The following CDH12 variants were observed in gnomAD, a reference collection of about 807,000 sequenced individuals.
The protein encoded by CDH12 is cadherin-12.
Under a neutral mutation model 74.1 loss-of-function variants are expected in CDH12, and 41 were observed. The ratio of observed to expected loss-of-function variants is 0.55; its 90% CI spans 0.43 to 0.72. The LOEUF (loss-of-function observed/expected upper bound fraction) is 0.72. CDH12 is among the 30% of genes least tolerant of loss of function. The pLI is 0.00. For missense variants in CDH12, 945 were observed against 977.2 expected (o/e 0.97, Z 0.44); for synonymous variants, 399 against 355.0 (o/e 1.12, Z -1.39).
chr5:22,759,904 T>C (rs1746119096), intron 1 of CDH12, among the ~76,000 whole-genome samples: 1 of 152,228 alleles, frequency 6.6e-6, no homozygotes, highest in Non-Finnish European at 1.5e-5. Flanking sequence ...GGCTGTCTAC[T>C]GGTAGAATTC....
chr5:21,875,352 A>G (rs993459614), intron 6 of CDH12, among the ~76,000 whole-genome samples: 1 of 152,204 alleles, frequency 6.6e-6, no homozygotes, highest in East Asian at 1.9e-4. Flanking sequence ...AATTCATGTG[A>G]AAATGCATAT....
At chr5:21,900,927 A>G (rs1376525801) in intron 6 of CDH12, among the ~76,000 whole-genome samples, 1 of 152,226 alleles carries the variant, frequency 6.6e-6, no homozygotes. Flanking sequence ...AGCACATGCC[A>G]CACTGCAAAC....
chr5:22,211,548 A>G (rs562811947), intron 4 of CDH12, among the ~76,000 whole-genome samples: 7 of 152,120 alleles, frequency 4.6e-5, no homozygotes, highest in Non-Finnish European at 1.0e-4. Flanking sequence ...TGCGCTTAGT[A>G]AGGTAGAAAA....
chr5:22,521,109 T>C (rs1737036674), intron 1 of CDH12, among the ~76,000 whole-genome samples: 1 of 152,022 alleles, frequency 6.6e-6, no homozygotes, highest in African/African-American at 2.4e-5. Context: ...TCTGGTAATA[T>C]AGAGATCATT....
chr5:21,751,743 G>A lies in CDH12; in HGVS notation c.2379C>T (p.Val793=). Residue 793 remains valine, a synonymous_variant, in exon 15 of 15, where the codon GTC becomes GTT. Transcript: ENST00000382254. ...GEEESYNPDK[V]T is the part of the protein sequence containing the mutation. ...TTTAGCCTCCACGACTCCCTTAAGT[G>A]ACTTTATCAGGGTTATAACTCTCTT... is the stretch of plus-strand genomic sequence containing the variant. 2 of 1,609,870 alleles carry A rather than the reference G, an allele frequency of 1.2e-6. No homozygotes were observed. Among genetic ancestry groups the A allele is most frequent in the Non-Finnish European group, 1.7e-6 (2 of 1,178,146 alleles).
chr5:22,754,673 G>A (rs79838323), intron 1 of CDH12, among the ~76,000 whole-genome samples: 389 of 152,140 alleles, frequency 2.6e-3, no homozygotes, highest in Non-Finnish European at 4.2e-3. Flanking sequence ...AAAACGAGAT[G>A]GGAAAGTGAC....
Position 22,175,833 on chromosome 5 carries a change from TAGCGCAATAAATA to T in CDH12, c.-187+36652_-187+36664del, listed in dbSNP as rs1237433920. On this transcript the variant is annotated intron_variant, in intron 4 of 14. Coordinates refer to ENST00000382254, the MANE Select transcript of CDH12 (RefSeq NM_004061.5). ...AGAAACTGGATCAGCTCACCTGAAC[TAGCGCAATAAATA>T]GGACCAGAGGCTGAGCTCAGGAGCT... 3.9e-5 allele frequency among the ~76,000 whole-genome samples: 6 copies of T among 152,094 alleles called. No individual in the cohort carries two copies. The South Asian group carries it at 1.0e-3, about 26-fold the overall frequency.
At chr5:22,740,941 CA>C (rs1346601910) in intron 1 of CDH12, among the ~76,000 whole-genome samples, 1 of 151,962 alleles carries the variant, frequency 6.6e-6, no homozygotes, top group Non-Finnish European at 1.5e-5. Flanking sequence ...TTAACAAAAC[CA>C]AAATATAAGA....
intron 8 of CDH12, among the ~76,000 whole-genome samples, chr5:21,834,000 A>C (rs1415786031): frequency 6.6e-6 from 1 of 151,956 alleles, no homozygotes; most frequent in African/African-American, 2.4e-5. Flanking sequence ...TCTACTTAGA[A>C]AAAAGCTGGT....
chr5:22,269,328 G>A (rs947516406), intron 3 of CDH12, among the ~76,000 whole-genome samples: 1 of 152,026 alleles, frequency 6.6e-6, no homozygotes, highest in Non-Finnish European at 1.5e-5. Context: ...ATTGTTATCA[G>A]TAGCTATATC....
chr5:22,191,133 C>A (rs1018076755), intron 4 of CDH12, among the ~76,000 whole-genome samples: 14 of 152,082 alleles, frequency 9.2e-5, no homozygotes, highest in Admixed American at 2.6e-4. Context: ...AAACCAACAT[C>A]CCAAGTGTTA....
intron 3 of CDH12, among the ~76,000 whole-genome samples, chr5:22,403,114 C>T (rs938459294): frequency 6.6e-6 from 1 of 152,144 alleles, no homozygotes; most frequent in Non-Finnish European, 1.5e-5. Flanking sequence ...AGGAGAGAGG[C>T]ATGGACTGCA....
chr5:22,428,206 TAC>T (rs60523110), intron 2 of CDH12, among the ~76,000 whole-genome samples: 25,151 of 150,136 alleles, frequency 0.17, 2,353 homozygotes, highest in African/African-American at 0.27. Flanking sequence ...TATATATATA[TAC>T]ACACACACAC....
At chr5:22,343,283 TACACAC>T (rs70959717) in intron 3 of CDH12, among the ~76,000 whole-genome samples, 5 of 92,658 alleles carry the variant, frequency 5.4e-5, no homozygotes, top group African/African-American at 2.0e-4. Context: ...ACATAAACCC[TACACAC>T]ACACACACAC....
At chr5:22,715,870 G>A (rs1561598267) in intron 1 of CDH12, among the ~76,000 whole-genome samples, 1 of 151,572 alleles carries the variant, frequency 6.6e-6, no homozygotes, top group Non-Finnish European at 1.5e-5. Context: ...AGCACGTTGG[G>A]TTACGCCTGT....
rs10038429 is a variant in CDH12 at position 21,752,600 on chromosome 5, C to T, written c.1886-364G>A. Among the ~76,000 whole-genome samples, 740 of 152,256 alleles carry T rather than the reference C, an allele frequency of 4.9e-3. 6 individuals are homozygous for T. Among genetic ancestry groups the T allele is most frequent in the African/African-American group, 0.017 (707 of 41,550 alleles). ...TGAATATTATCATCCATAAATAAGA[C>T]TACCATTCATTGCTAACTTCCCAAT... On this transcript the variant is annotated intron_variant, in intron 14 of 14. Transcript: ENST00000382254.
chr5:22,460,296 C>A lies in CDH12; in HGVS notation c.-428+44974G>T, dbSNP rs551807649. Reference sequence around the variant, plus strand: ...TGTACATTACAGTCCCAGACTTATTCATCTTACAAATGCCTGTTTATACCC... The same window carrying A: ...TGTACATTACAGTCCCAGACTTATTAATCTTACAAATGCCTGTTTATACCC... On this transcript the variant is annotated intron_variant, in intron 2 of 14. Coordinates refer to ENST00000382254, the MANE Select transcript of CDH12 (RefSeq NM_004061.5). 5.3e-5 allele frequency among the ~76,000 whole-genome samples: 8 copies of A among 152,172 alleles called. No individual in the cohort carries two copies. The South Asian group carries it at 1.7e-3, about 32-fold the overall frequency.
At chr5:21,901,970 C>T (rs990707554) in intron 6 of CDH12, among the ~76,000 whole-genome samples, 11 of 152,170 alleles carry the variant, frequency 7.2e-5, no homozygotes, top group South Asian at 4.1e-4. Context: ...AGCCACTGTA[C>T]GTGCAGAGAT....
chr5:22,277,844 C>T (rs889821603), intron 3 of CDH12, among the ~76,000 whole-genome samples: 1 of 152,026 alleles, frequency 6.6e-6, no homozygotes, highest in African/African-American at 2.4e-5. Flanking sequence ...CAAACAACAA[C>T]AACAAACAAC....
Sources: allele counts gnomAD v4.1 joint callset (sites outside exome capture counted in the v4.1 genomes callset), GRCh38; gene constraint gnomAD v4.1.1; transcripts MANE v1.5; gene names NCBI Gene and HGNC (gene_info 2026-07-23, HGNC 2026-07-21).